ASCC3: variants seen among roughly 807,000 people sequenced by gnomAD.
ASCC3 encodes the protein activating signal cointegrator 1 complex subunit 3.
A neutral mutation model predicts 256.3 loss-of-function variants in ASCC3; 158 were observed. The ratio of observed to expected loss-of-function variants is 0.62; its 90% confidence interval spans 0.54 to 0.70. The LOEUF is 0.70. Among genes scored for constraint, ASCC3 ranks in the 30% least tolerant of loss-of-function variants. The probability of loss-of-function intolerance (pLI) is 0.00; values close to 1 mark genes in which losing one functional copy is unlikely to be tolerated. For synonymous variants in ASCC3, 948 were observed against 883.4 expected (o/e 1.07, Z -1.30); for missense variants, 2,259 against 2,626.0 (o/e 0.86, Z 3.05).
Position 100,627,887 on chromosome 6 carries a change from T to A in ASCC3, c.4476A>T (p.Ala1492=). 1 of 1,613,760 alleles carries A rather than the reference T, an allele frequency of 6.2e-7. No individual in the cohort carries two copies. The highest frequency in any genetic ancestry group is 8.5e-7 in the Non-Finnish European group (1 of 1,179,858). ...CAGCAAGGTCTCTGGCATTAGCTAA[T>A]GCAGTAGATAGTCCAACTATTCTAA... ...KPVRIVGLST[A]LANARDLADW... is the part of the protein sequence containing the mutation. The change falls in exon 28 of 42, where the codon GCA becomes GCT. Residue 1492 remains alanine, a synonymous_variant. Transcript: ENST00000369162.
intron 1 of ASCC3, among the ~76,000 whole-genome samples, chr6:100,880,607 C>T (rs144537938): frequency 4.3e-4 from 64 of 147,540 alleles, no homozygotes; most frequent in African/African-American, 1.3e-3. Flanking sequence ...TCCTTGATTG[C>T]GAAATTCACC....
At position 100,843,423 on chromosome 6, in the gene ASCC3, C is replaced by A. The variant is rs75023640; in HGVS notation, c.801+4725G>T. On this transcript the variant is annotated intron_variant, in intron 4 of 41. Coordinates refer to ENST00000369162, the MANE Select transcript of ASCC3 (RefSeq NM_006828.4). ...ATCACAAATGCTATAAAGAAGCAGC[C>A]CATCTGCACAAAAGCAAACTACGGT... Among the ~76,000 whole-genome samples, 1,213 of 152,190 alleles carry A rather than the reference C, an allele frequency of 8.0e-3. 30 individuals carry two copies. Among genetic ancestry groups the A allele is most frequent in the East Asian group, 0.054 (280 of 5,186 alleles).
At chr6:100,801,911 A>G (rs1769935239) in intron 5 of ASCC3, among the ~76,000 whole-genome samples, 1 of 150,238 alleles carries the variant, frequency 6.7e-6, no homozygotes, top group South Asian at 2.1e-4. Flanking sequence ...TTTATCAGAA[A>G]TGAATGTTAA....
intron 29 of ASCC3, among the ~76,000 whole-genome samples, chr6:100,626,140 G>T (rs1219907647): frequency 2.6e-5 from 4 of 151,190 alleles, no homozygotes; most frequent in Admixed American, 1.3e-4. Context: ...TTGAAATGAG[G>T]TTTTTTGTTT....
rs1781700734 is a variant in ASCC3, at chr6:100,767,275, T to C, written c.1466A>G (p.Tyr489Cys). Residue 489 changes from tyrosine to cysteine, a missense_variant, in exon 9 of 42, where the codon TAC becomes TGC. By Grantham distance (194) the Tyr-to-Cys change is radical (BLOSUM62 -2). Coordinates refer to ENST00000369162, the MANE Select transcript of ASCC3 (RefSeq NM_006828.4). ...AATCAGCATGTTCTCATTGGTGTTG[T>C]AGGCAGTCTCAAACACTATTGACTG... is the stretch of plus-strand genomic sequence containing the variant. ...RIQSIVFETA[Y>C]NTNENMLICA... 2 of 1,614,072 alleles carry C rather than the reference T, an allele frequency of 1.2e-6. No individual in the cohort carries two copies. The highest frequency in any genetic ancestry group is 1.7e-5 in the Admixed American group (1 of 60,022).
intron 10 of ASCC3, among the ~76,000 whole-genome samples, chr6:100,759,386 T>C (rs1181160122): frequency 1.3e-5 from 2 of 152,196 alleles, no homozygotes; most frequent in African/African-American, 2.4e-5. Context: ...TAAATTCAAA[T>C]ATTTAATTCA....
At chr6:100,648,529 T>C (rs1444017326) in intron 20 of ASCC3, among the ~76,000 whole-genome samples, 2 of 152,020 alleles carry the variant, frequency 1.3e-5, no homozygotes, top group Admixed American at 1.3e-4. Flanking sequence ...ATATGCGCTG[T>C]CTTTTGATAA....
At chr6:100,600,229 A>ACG (rs1273620489) in intron 34 of ASCC3, among the ~76,000 whole-genome samples, 2 of 151,878 alleles carry the variant, frequency 1.3e-5, no homozygotes, top group East Asian at 3.9e-4. Context: ...ACACACACAC[A>ACG]CACACACACA....
chr6:100,722,020 G>A (rs1196772185), intron 11 of ASCC3, among the ~76,000 whole-genome samples: 1 of 151,690 alleles, frequency 6.6e-6, no homozygotes, highest in Non-Finnish European at 1.5e-5. Flanking sequence ...TATAGTGAAA[G>A]GTAAAGGTCC....
At chr6:100,578,024 C>A (rs188350164) in intron 36 of ASCC3, among the ~76,000 whole-genome samples, 1 of 152,058 alleles carries the variant, frequency 6.6e-6, no homozygotes, top group East Asian at 1.9e-4. Flanking sequence ...TAGCTCTATA[C>A]TATTTGGAAG....
In ASCC3 at chr6:100,652,865, G is replaced by A. The variant is rs755891996; in HGVS notation, c.2848C>T (p.Arg950Ter). The change falls in exon 18 of 42, where the codon CGA becomes TGA. Residue 950 changes from arginine (R) to a stop codon, truncating the protein, a stop_gained. Coordinates refer to ENST00000369162, the MANE Select transcript of ASCC3 (RefSeq NM_006828.4). LOFTEE classifies it high-confidence loss of function. Reference protein sequence around the residue: ...YQIDPTLRKHREQLVIEVGRK... With the variant: ...YQIDPTLRKH ...CCAACTTCAATGACCAACTGTTCTC[G>A]ATGCTTTCTTAATGTTGGGTCAATC... 4 of 1,613,786 alleles carry A rather than the reference G, an allele frequency of 2.5e-6. No homozygotes were observed. Among genetic ancestry groups the A allele is most frequent in the South Asian group, 2.2e-5 (2 of 91,080 alleles).
intron 23 of ASCC3, among the ~76,000 whole-genome samples, chr6:100,643,576 T>G (rs779373669): frequency 5.9e-5 from 9 of 152,186 alleles, no homozygotes; most frequent in African/African-American, 2.2e-4. Flanking sequence ...CCAGATGGTA[T>G]AGCCTCCTAA....
chr6:100,566,325 G>A lies in ASCC3; in HGVS notation c.5550+23309C>T, dbSNP rs75647325. Reference sequence around the variant, plus strand: ...GAAGCTTAGAGGGATTAAATAGCTTGCCAGTTACACAAAGAGGTTAAAATG... The same window carrying A: ...GAAGCTTAGAGGGATTAAATAGCTTACCAGTTACACAAAGAGGTTAAAATG... On this transcript the variant is annotated intron_variant, in intron 36 of 41. Coordinates refer to ENST00000369162, the MANE Select transcript of ASCC3 (RefSeq NM_006828.4). Among the ~76,000 whole-genome samples the A allele has an allele frequency of 7.2e-3, 1,098 of 152,246 alleles. 10 individuals are homozygous for A. Among genetic ancestry groups the A allele is most frequent in the African/African-American group, 0.025 (1,057 of 41,550 alleles).
intron 37 of ASCC3, among the ~76,000 whole-genome samples, chr6:100,521,330 A>G (rs190563896): frequency 1.3e-5 from 2 of 152,282 alleles, no homozygotes; most frequent in East Asian, 3.9e-4. Context: ...TCTTGATTTA[A>G]TAAGAAAACA....
intron 26 of ASCC3, among the ~76,000 whole-genome samples, chr6:100,630,380 C>G (rs1774475477): frequency 6.6e-6 from 1 of 151,938 alleles, no homozygotes; most frequent in Non-Finnish European, 1.5e-5. Context: ...CCATAACATC[C>G]CTATCCTATA....
chr6:100,826,945 T>C (rs1462313056), intron 4 of ASCC3, among the ~76,000 whole-genome samples: 2 of 152,196 alleles, frequency 1.3e-5, no homozygotes, highest in Admixed American at 6.5e-5. Context: ...AAATTTAAAA[T>C]ACAATTTCTA....
In ASCC3 at chr6:100,662,249, A is replaced by T. The variant is rs1667222258; in HGVS notation, c.2478+96T>A. ...TATAAATAACATTCAAAGTCAAGGA[A>T]ACAGCCAAATCACAATATTTTTCTA... On this transcript the variant is annotated intron_variant, in intron 15 of 41. Transcript: ENST00000369162. 2.3e-6 allele frequency: 3 copies of T among 1,320,478 alleles called. No individual in the cohort carries two copies. The South Asian group carries it at 4.3e-5, about 19-fold the overall frequency. 81.8% of individuals were successfully genotyped at this position (1,320,478 alleles called of 1,614,324 possible).
chr6:100,725,293 G>C (rs1266995516), intron 11 of ASCC3, among the ~76,000 whole-genome samples: 2 of 151,794 alleles, frequency 1.3e-5, no homozygotes, highest in African/African-American at 4.8e-5. Context: ...TGAAAAGAAT[G>C]GTTAACAGAA....
chr6:100,565,116 G>T (rs1323921806), intron 36 of ASCC3, among the ~76,000 whole-genome samples: 1 of 152,128 alleles, frequency 6.6e-6, no homozygotes, highest in Non-Finnish European at 1.5e-5. Flanking sequence ...CATTACCAAA[G>T]AACTGGATTA....
Sources: allele counts gnomAD v4.1 joint callset (sites outside exome capture counted in the v4.1 genomes callset), GRCh38; gene constraint gnomAD v4.1.1; transcripts MANE v1.5; gene names NCBI Gene and HGNC (gene_info 2026-07-23, HGNC 2026-07-21).